Variants in HEATR4 observed in about 807,000 individuals in gnomAD.
HEATR4 encodes HEAT repeat-containing protein 4.
In HEATR4, 95 loss-of-function variants were observed where a neutral mutation model predicts 108.8. That is an observed-to-expected ratio of 0.87 (90% CI 0.74 to 1.04). HEATR4 has a LOEUF of 1.04. Among genes scored for constraint, HEATR4 ranks in the 50% least tolerant of loss-of-function variants. HEATR4 has a pLI of 0.00. For missense variants in HEATR4, 1,152 were observed against 1,253.8 expected (o/e 0.92, Z 1.23); for synonymous variants, 443 against 459.4 (o/e 0.96, Z 0.46).
chr14:73,597,430 G>T, the HEATR4 span, among the ~76,000 whole-genome samples: 2 of 151,950 alleles, frequency 1.3e-5, no homozygotes, highest in South Asian at 4.1e-4. Context: ...TGTTGGCCAG[G>T]CTGGGGTGCA....
rs575442082 is a variant in HEATR4 at position 73,539,059 on chromosome 14, CT to C, written c.-151-8816del. On this transcript the variant is annotated intron_variant, in intron 1 of 17. Coordinates refer to ENST00000553558, the MANE Select transcript of HEATR4 (RefSeq NM_001220484.1). ...TATTTATGTATGGACCAGGAAGTCA[CT>C]TTTTTTTTTAATAAAAAGAATTCCA... 1.4e-4 allele frequency among the ~76,000 whole-genome samples: 15 copies of C among 110,452 alleles called. 1 individual carries two copies. The highest frequency in any genetic ancestry group is 1.6e-4 in the Non-Finnish European group (8 of 50,556). The allele number at this position is 110,452 out of a possible 152,430, so 72.5% of individuals were successfully genotyped here. A position where few individuals can be genotyped will look rare whatever the true frequency, so the allele number is the denominator to read the frequency against.
the HEATR4 span, among the ~76,000 whole-genome samples, chr14:73,568,603 A>G: frequency 6.6e-6 from 1 of 152,010 alleles, no homozygotes; most frequent in Admixed American, 6.6e-5. Context: ...TGGGACAATA[A>G]TTGAGAAACC....
chr14:73,622,433 G>A, the HEATR4 span, among the ~76,000 whole-genome samples: 205 of 152,132 alleles, frequency 1.3e-3, no homozygotes, highest in Non-Finnish European at 1.9e-3. Flanking sequence ...ACAGAGTTTC[G>A]CTCTTGTTGC....
At chr14:73,562,662 G>A (rs959174987), upstream of HEATR4, among the ~76,000 whole-genome samples, 5 of 151,946 alleles carry the variant, frequency 3.3e-5, no homozygotes, top group African/African-American at 7.3e-5. Context: ...CATTCCTGGC[G>A]GGAGGTCTAT....
At chr14:73,490,905 AG>A in intron 17 of HEATR4, 1 of 1,162,354 alleles carries the variant, frequency 8.6e-7, no homozygotes, top group Non-Finnish European at 1.1e-6. Context: ...GCCAACCCCG[AG>A]GTGGCTGGAG....
At chr14:73,563,428 C>G (rs1376663667), upstream of HEATR4, among the ~76,000 whole-genome samples, 11 of 151,750 alleles carry the variant, frequency 7.2e-5, no homozygotes, top group Non-Finnish European at 2.9e-5. Context: ...AATCCCATCT[C>G]TACTAAAAAT....
At chr14:73,496,472 G>A (rs934051583) in intron 15 of HEATR4, 129 bp downstream of exon 15, 2 of 625,406 alleles carry the variant, frequency 3.2e-6, no homozygotes, top group African/African-American at 3.7e-5. Context: ...TGTGGCATCT[G>A]TGTCTGGGGT....
chr14:73,538,969 A>T (rs1169373586), intron 1 of HEATR4, among the ~76,000 whole-genome samples: 3 of 115,864 alleles, frequency 2.6e-5, no homozygotes, highest in African/African-American at 8.4e-5. Context: ...ACTCCATCTA[A>T]AACAAAAACA....
intron 10 of HEATR4, among the ~76,000 whole-genome samples, chr14:73,504,173 G>A (rs1338469224): frequency 8.6e-5 from 13 of 151,222 alleles, no homozygotes; most frequent in Admixed American, 8.6e-4. Flanking sequence ...CGCCTCCTGG[G>A]TTCAAGTGAC....
chr14:73,509,474 CTG>C lies in HEATR4; in HGVS notation c.1559-3_1559-2del. The C allele has an allele frequency of 1.2e-6, 2 of 1,613,750 alleles. No homozygotes were observed. The highest frequency in any genetic ancestry group is 2.2e-5 in the East Asian group (1 of 44,880). The stretch of plus-strand genomic sequence containing the variant: ...TCCGGCAAGTCCTGGATGGTCTTGT[CTG>C]TGATCAAAAGAGCCAGGTAAGAGAG... On this transcript the variant is annotated splice_acceptor_variant and splice_polypyrimidine_tract_variant and intron_variant, in intron 7 of 17. Transcript: ENST00000553558. LOFTEE classifies it high-confidence loss of function.
At chr14:73,527,260 C>A (rs1030601413) in intron 2 of HEATR4, 2 of 151,908 alleles carry the variant, frequency 1.3e-5, no homozygotes, top group African/African-American at 2.4e-5. Context: ...TGACCATCCA[C>A]AAGCATCAAG....
At chr14:73,544,556 C>T (rs1889201486) in intron 1 of HEATR4, among the ~76,000 whole-genome samples, 1 of 115,258 alleles carries the variant, frequency 8.7e-6, no homozygotes, top group Non-Finnish European at 1.9e-5. Context: ...ACATATGGAC[C>T]TTTAGGATTT....
the HEATR4 span, among the ~76,000 whole-genome samples, chr14:73,584,941 C>T: frequency 6.6e-6 from 1 of 151,886 alleles, no homozygotes; most frequent in Non-Finnish European, 1.5e-5. Flanking sequence ...GATCCCGTAA[C>T]ACCTTGGGCC....
chr14:73,585,837 T>G, the HEATR4 span, among the ~76,000 whole-genome samples: 3 of 145,062 alleles, frequency 2.1e-5, no homozygotes, highest in Non-Finnish European at 4.5e-5. Context: ...TTTTTTTTTT[T>G]GAGATAAGAG....
chr14:73,624,760 G>A, the HEATR4 span, among the ~76,000 whole-genome samples: 1 of 152,230 alleles, frequency 6.6e-6, no homozygotes, highest in Non-Finnish European at 1.5e-5. Context: ...TGCAGCCTGG[G>A]GTTTCTGTCT....
the HEATR4 span, among the ~76,000 whole-genome samples, chr14:73,627,588 T>C: frequency 6.6e-6 from 1 of 152,160 alleles, no homozygotes; most frequent in African/African-American, 2.4e-5. Context: ...AGGAGATGTA[T>C]AGGGAGAAAA....
chr14:73,621,094 T>G, the HEATR4 span, among the ~76,000 whole-genome samples: 1 of 151,924 alleles, frequency 6.6e-6, no homozygotes. Flanking sequence ...GCACCTGTAA[T>G]CCCAGCTACT....
chr14:73,630,784 G>C, the HEATR4 span, among the ~76,000 whole-genome samples: 6,496 of 152,242 alleles, frequency 0.043, 188 homozygotes, highest in South Asian at 0.13. Context: ...TGATCTGCCT[G>C]GAAGAAAAGG....
At chr14:73,488,309 C>T (rs918492505) in intron 17 of HEATR4, among the ~76,000 whole-genome samples, 1 of 152,134 alleles carries the variant, frequency 6.6e-6, no homozygotes, top group African/African-American at 2.4e-5. Context: ...CTCGCTGTGT[C>T]GCCCAGGCTG....
Sources: allele counts gnomAD v4.1 joint callset (sites outside exome capture counted in the v4.1 genomes callset), GRCh38; gene constraint gnomAD v4.1.1; transcripts MANE v1.5; gene names NCBI Gene and HGNC (gene_info 2026-07-23, HGNC 2026-07-21).